ROBO2: variants seen among roughly 807,000 people sequenced by gnomAD.
ROBO2 encodes the protein roundabout homolog 2.
Under a neutral mutation model 160.8 loss-of-function variants are expected in ROBO2, and 53 were observed. The observed-to-expected ratio is 0.33, with a 90% confidence interval of 0.26 to 0.41. The LOEUF (loss-of-function observed/expected upper bound fraction) is 0.41, where lower values mean the gene tolerates loss of function less well. ROBO2 is among the 10% of genes least tolerant of loss of function. The pLI is 1.00. For missense variants in ROBO2, 1,577 were observed against 1,722.4 expected, an observed-to-expected ratio of 0.92 and a Z score of 1.49; for synonymous variants, 664 against 611.7, an observed-to-expected ratio of 1.09 and a Z score of -1.26.
intron 1 of ROBO2, among the ~76,000 whole-genome samples, chr3:77,067,613 C>T (rs141680795): frequency 3.9e-5 from 6 of 152,160 alleles, no homozygotes; most frequent in South Asian, 2.1e-4. Context: ...TAGCTAACAC[C>T]GTGCTTGATA....
chr3:77,622,408 G>T (rs779498840), exon 23 of ROBO2: 4 of 1,613,938 alleles, frequency 2.5e-6, no homozygotes, highest in African/African-American at 1.3e-5. Flanking sequence ...ATCCAGCATG[G>T]ACAATCTAGA....
intron 2 of ROBO2, among the ~76,000 whole-genome samples, chr3:75,951,237 A>C (rs1948524565): frequency 6.6e-6 from 1 of 152,112 alleles, no homozygotes; most frequent in Non-Finnish European, 1.5e-5. Flanking sequence ...AATGATGTTC[A>C]GTGAAGACTT....
At chr3:75,929,637 A>G (rs541582321) in intron 1 of ROBO2, among the ~76,000 whole-genome samples, 3 of 152,040 alleles carry the variant, frequency 2.0e-5, no homozygotes, top group Admixed American at 6.5e-5. Context: ...AACCCCTTGG[A>G]AATATCAGCC....
chr3:76,576,349 A>G (rs1298626408), intron 2 of ROBO2, among the ~76,000 whole-genome samples: 1 of 152,104 alleles, frequency 6.6e-6, no homozygotes, highest in African/African-American at 2.4e-5. Flanking sequence ...GCCTCTTCAC[A>G]TGGAGGATTG....
chr3:77,042,704 T>G (rs2064220817), intron 1 of ROBO2, among the ~76,000 whole-genome samples: 1 of 152,004 alleles, frequency 6.6e-6, no homozygotes, highest in Non-Finnish European at 1.5e-5. Flanking sequence ...CTTTCATTCC[T>G]CCCTCCCTTC....
chr3:77,052,648 C>T (rs1458038512), intron 1 of ROBO2, among the ~76,000 whole-genome samples: 1 of 152,090 alleles, frequency 6.6e-6, no homozygotes, highest in Admixed American at 6.6e-5. Context: ...TTAATTGTGG[C>T]TACTGTCAAA....
Position 77,636,465 on chromosome 3 carries a change from G to C in ROBO2, c.3934+1422G>C, listed in dbSNP as rs560093727. Among the ~76,000 whole-genome samples, 4 of 152,200 alleles carry C rather than the reference G, an allele frequency of 2.6e-5. No homozygotes were observed. The East Asian group carries it at 7.7e-4, about 29-fold the overall frequency. Reference sequence around the variant, plus strand: ...AAATTAGCTGGGCGTGGTTGCACGTGCCTGTAATCCCAGCTACTGAGGAGG... The same window carrying C: ...AAATTAGCTGGGCGTGGTTGCACGTCCCTGTAATCCCAGCTACTGAGGAGG... On this transcript the variant is annotated intron_variant, in intron 24 of 25. Transcript: ENST00000461745.
chr3:76,772,258 T>C (rs9849103), intron 2 of ROBO2, among the ~76,000 whole-genome samples: 2,285 of 151,248 alleles, frequency 0.015, 54 homozygotes, highest in African/African-American at 0.051. Flanking sequence ...TCCAGAATCA[T>C]AGTGGTATCT....
intron 2 of ROBO2, among the ~76,000 whole-genome samples, chr3:76,984,623 AT>A (rs2060275309): frequency 6.6e-6 from 1 of 152,156 alleles, no homozygotes; most frequent in South Asian, 2.1e-4. Flanking sequence ...AGTTTGAAAG[AT>A]ACATGGAAAC....
chr3:77,562,890 A>G (rs2093367899), intron 10 of ROBO2, among the ~76,000 whole-genome samples, 158 bp downstream of exon 11: 1 of 152,168 alleles, frequency 6.6e-6, no homozygotes, highest in Admixed American at 6.6e-5. Flanking sequence ...GAATTTGCAC[A>G]CACCATTACA....
chr3:77,285,868 A>T (rs1364604222), intron 2 of ROBO2, among the ~76,000 whole-genome samples: 2 of 152,212 alleles, frequency 1.3e-5, no homozygotes, highest in African/African-American at 4.8e-5. Flanking sequence ...TTTAGAAAAT[A>T]AATGTTATTT....
At chr3:77,256,029 A>G (rs2058388474) in intron 2 of ROBO2, among the ~76,000 whole-genome samples, 1 of 152,214 alleles carries the variant, frequency 6.6e-6, no homozygotes, top group Non-Finnish European at 1.5e-5. Context: ...AAAATGATCA[A>G]TTACAGAAGC....
chr3:76,069,618 T>A (rs1262545027), intron 2 of ROBO2, among the ~76,000 whole-genome samples: 1 of 94,006 alleles, frequency 1.1e-5, no homozygotes, highest in African/African-American at 5.2e-5. Context: ...TAAAAATACC[T>A]ACACTTTTTT....
intron 2 of ROBO2, among the ~76,000 whole-genome samples, chr3:76,635,034 C>G (rs2090250405): frequency 6.6e-6 from 1 of 152,192 alleles, no homozygotes; most frequent in Non-Finnish European, 1.5e-5. Flanking sequence ...ACCATCTGCT[C>G]CCAACCCACT....
chr3:76,004,467 A>G (rs931196468), intron 2 of ROBO2, among the ~76,000 whole-genome samples: 5 of 152,154 alleles, frequency 3.3e-5, no homozygotes, highest in Non-Finnish European at 7.4e-5. Context: ...GGTAGTTTAT[A>G]AACAACCAAA....
chr3:77,201,388 G>A (rs902466478), intron 2 of ROBO2, among the ~76,000 whole-genome samples: 2 of 152,114 alleles, frequency 1.3e-5, no homozygotes, highest in African/African-American at 2.4e-5. Context: ...CCATTGCAGC[G>A]ATTTGTGCTT....
chr3:76,073,787 A>G (rs1398820260), intron 2 of ROBO2, among the ~76,000 whole-genome samples: 1 of 88,252 alleles, frequency 1.1e-5, no homozygotes, highest in Non-Finnish European at 2.2e-5. Context: ...GTATCTTACC[A>G]TCTTATAAAA....
chr3:76,897,529 C>T (rs558602146), intron 2 of ROBO2, among the ~76,000 whole-genome samples: 1 of 152,068 alleles, frequency 6.6e-6, no homozygotes, highest in East Asian at 1.9e-4. Context: ...GTGCAGACAC[C>T]GTAAACCAAC....
At chr3:76,945,430 G>A (rs1455862786) in intron 2 of ROBO2, among the ~76,000 whole-genome samples, 1 of 147,572 alleles carries the variant, frequency 6.8e-6, no homozygotes, top group Non-Finnish European at 1.5e-5. Flanking sequence ...ATGAATAAAT[G>A]CTTGGAGTGA....
Sources: gnomAD v4.1 joint callset for allele counts (sites outside exome capture counted in the v4.1 genomes callset) on GRCh38, gnomAD v4.1.1 for gene constraint, MANE v1.5 for transcripts, NCBI Gene and HGNC (gene_info 2026-07-23, HGNC 2026-07-21) for gene names.